ANK1: variants seen among roughly 807,000 people sequenced by gnomAD.
ANK1 encodes ankyrin 1, also known as ankyrin-1.
ANK1 carries 51 observed loss-of-function variants against 210.4 expected under a neutral mutation model. That is an observed-to-expected ratio of 0.24 (90% CI 0.19 to 0.31). The LOEUF is 0.31. Among genes scored for constraint, ANK1 ranks in the 10% least tolerant of loss-of-function variants. The probability of loss-of-function intolerance (pLI) is 1.00; values close to 1 mark genes in which losing one functional copy is unlikely to be tolerated. For missense variants in ANK1, 2,051 were observed against 2,504.4 expected, an observed-to-expected ratio of 0.82 and a Z score of 3.86; for synonymous variants, 967 against 1,025.9, an observed-to-expected ratio of 0.94 and a Z score of 1.10.
chr8:41,843,362 G>A (rs1809375327), intron 1 of ANK1, among the ~76,000 whole-genome samples: 1 of 152,052 alleles, frequency 6.6e-6, no homozygotes, highest in Non-Finnish European at 1.5e-5. Context: ...ATCTTACTGT[G>A]CACTTGTACC....
intron 1 of ANK1, among the ~76,000 whole-genome samples, chr8:41,850,592 C>T (rs1296144184): frequency 5.9e-5 from 9 of 152,156 alleles, no homozygotes; most frequent in Admixed American, 3.3e-4. Context: ...GTGATCCTCC[C>T]GCCTTAGCCT....
chr8:41,664,052 A>G lies in ANK1; in HGVS notation c.5395-310T>C, dbSNP rs934465650. 3 of 531,740 alleles carry G rather than the reference A, an allele frequency of 5.6e-6. No homozygotes were observed. In the African/African-American group the frequency reaches 5.7e-5, roughly 10 times the overall value. The allele number at this position is 531,740 out of a possible 1,614,324, so 32.9% of individuals were successfully genotyped here. ...CAAGTCTGACGGAGGAGGCCCTGAG[A>G]GAGGAAGTGAGGCACCTGTTTCCTA... On this transcript the variant is annotated intron_variant, in intron 39 of 42. Transcript: ENST00000289734.
intron 5 of ANK1, among the ~76,000 whole-genome samples, chr8:41,726,331 C>T (rs914141719): frequency 1.3e-5 from 2 of 152,156 alleles, no homozygotes; most frequent in Non-Finnish European, 2.9e-5. Context: ...ATTACTAACA[C>T]CGACCAAAGG....
Position 41,688,710 on chromosome 8 carries a change from T to C in ANK1, c.4105-121A>G, listed in dbSNP as rs1331470395. On this transcript the variant is annotated intron_variant, in intron 33 of 42. Transcript: ENST00000289734. Reference sequence around the variant, plus strand: ...GACCCCAGTCCTGGTAAACAATCAGTCCGTTTCTTCAGGGACTTAACACAA... The same window carrying C: ...GACCCCAGTCCTGGTAAACAATCAGCCCGTTTCTTCAGGGACTTAACACAA... 4.7e-6 allele frequency: 4 copies of C among 851,508 alleles called. No individual in the cohort carries two copies. In the East Asian group the frequency reaches 1.1e-4, roughly 23 times the overall value. The allele number at this position is 851,508 out of a possible 1,614,324, so 52.7% of individuals were successfully genotyped here. A position where few individuals can be genotyped will look rare whatever the true frequency, so the allele number is the denominator to read the frequency against.
intron 37 of ANK1, among the ~76,000 whole-genome samples, chr8:41,682,761 C>A (rs1283164232): frequency 6.6e-6 from 1 of 152,218 alleles, no homozygotes; most frequent in Non-Finnish European, 1.5e-5. Context: ...CCTGTAGGTG[C>A]TTAATCAGGG....
chr8:41,843,857 C>T (rs1809504832), intron 1 of ANK1, among the ~76,000 whole-genome samples: 1 of 152,182 alleles, frequency 6.6e-6, no homozygotes. Context: ...CCATAAATCT[C>T]ATGCCATGAA....
At chr8:41,749,957 C>T (rs1837280598) in intron 2 of ANK1, among the ~76,000 whole-genome samples, 1 of 152,334 alleles carries the variant, frequency 6.6e-6, no homozygotes, top group Non-Finnish European at 1.5e-5. Flanking sequence ...CAAAGTCATA[C>T]AGCATAAGAT....
chr8:41,766,637 C>G (rs1305229167), intron 1 of ANK1, among the ~76,000 whole-genome samples: 1 of 152,188 alleles, frequency 6.6e-6, no homozygotes, highest in East Asian at 1.9e-4. Context: ...TGGGCTGGGA[C>G]GTCACTGGGG....
intron 1 of ANK1, among the ~76,000 whole-genome samples, chr8:41,854,952 G>GA (rs58277361): frequency 0.4 from 51,600 of 129,222 alleles, 9,255 homozygotes; most frequent in African/African-American, 0.47. Flanking sequence ...TATCTCAAAA[G>GA]AAAAAAAAAA....
intron 1 of ANK1, among the ~76,000 whole-genome samples, chr8:41,831,677 A>C (rs964907228): frequency 2.0e-5 from 3 of 151,632 alleles, no homozygotes; most frequent in African/African-American, 7.3e-5. Context: ...AGAAAAAAGG[A>C]ATGAAAGGAA....
rs79778997 is a variant in ANK1, at chr8:41,894,297, T to G, written c.126+2058A>C. On this transcript the variant is annotated intron_variant, in intron 1 of 42. Transcript: ENST00000265709. Reference sequence around the variant, plus strand: ...AAAATCTGAATGGAAGATTTTTGAATGCTACTGACGCAGTATGCTGCGACC... The same window carrying G: ...AAAATCTGAATGGAAGATTTTTGAAGGCTACTGACGCAGTATGCTGCGACC... 5.9e-5 allele frequency among the ~76,000 whole-genome samples: 9 copies of G among 152,232 alleles called. No homozygotes were observed. The East Asian group carries it at 1.7e-3, about 29-fold the overall frequency.
intron 16 of ANK1, 114 bp from the exon 17 acceptor site, chr8:41,709,089 G>C: frequency 8.1e-7 from 1 of 1,236,452 alleles, no homozygotes; most frequent in Non-Finnish European, 1.2e-6. Context: ...CAGTGAGCAG[G>C]GCTGGCATCA....
intron 42 of ANK1, 171 bp downstream of exon 42, chr8:41,661,259 A>T: frequency 1.0e-6 from 1 of 1,004,098 alleles, no homozygotes; most frequent in Non-Finnish European, 1.5e-6. Flanking sequence ...GCTGGGGTTC[A>T]GAGCCAACTG....
In ANK1 at chr8:41,720,008, G is replaced by A. The variant is rs749337865; in HGVS notation, c.910-150C>T. On this transcript the variant is annotated intron_variant, in intron 9 of 42. Coordinates refer to ENST00000289734, the MANE Select transcript of ANK1 (RefSeq NM_000037.4). ...GAGCTTGGCTCACCCTGGCCTCCAC[G>A]CTCCTGCCGGTCTCTGACCACAGAC... 23 of 899,360 alleles carry A rather than the reference G, an allele frequency of 2.6e-5. No individual in the cohort carries two copies. The East Asian group carries it at 2.9e-4, about 11-fold the overall frequency. The allele number at this position is 899,360 out of a possible 1,614,324, so 55.7% of individuals were successfully genotyped here.
At chr8:41,753,317 C>T (rs569706195) in intron 2 of ANK1, among the ~76,000 whole-genome samples, 28 of 152,170 alleles carry the variant, frequency 1.8e-4, no homozygotes, top group African/African-American at 6.3e-4. Context: ...CTGCCCACCT[C>T]GGCCTCCCAA....
intron 1 of ANK1, among the ~76,000 whole-genome samples, chr8:41,875,093 G>A (rs1340824755): frequency 6.6e-6 from 1 of 152,182 alleles, no homozygotes; most frequent in Non-Finnish European, 1.5e-5. Context: ...GCAGAGCTGA[G>A]CTGGAAAGGG....
chr8:41,768,777 C>T (rs1304303973), intron 1 of ANK1, among the ~76,000 whole-genome samples: 1 of 141,916 alleles, frequency 7.0e-6, no homozygotes, highest in East Asian at 2.1e-4. Flanking sequence ...GCTTGGGCAA[C>T]ATAGTGAGAC....
At chr8:41,678,786 T>C (rs953749260) in intron 37 of ANK1, among the ~76,000 whole-genome samples, 1 of 152,194 alleles carries the variant, frequency 6.6e-6, no homozygotes, top group Non-Finnish European at 1.5e-5. Context: ...CTTTTTTTGT[T>C]TGTTTGTTTG....
At chr8:41,734,197 G>T in intron 2 of ANK1, 128 bp from the exon 3 acceptor site, 1 of 861,390 alleles carries the variant, frequency 1.2e-6, no homozygotes, top group Non-Finnish European at 1.9e-6. Context: ...AGTGGAGTGT[G>T]TCTAGAGGTT....
Sources: allele counts gnomAD v4.1 joint callset (sites outside exome capture counted in the v4.1 genomes callset), GRCh38; gene constraint gnomAD v4.1.1; transcripts MANE v1.5; gene names NCBI Gene and HGNC (gene_info 2026-07-23, HGNC 2026-07-21).